CCP110: variants seen among roughly 807,000 people sequenced by gnomAD.
CCP110 encodes centriolar coiled-coil protein of 110 kDa.
Under a neutral mutation model 105.5 loss-of-function variants are expected in CCP110, and 43 were observed. That is an observed-to-expected ratio of 0.41 (90% CI 0.32 to 0.53). The LOEUF (loss-of-function observed/expected upper bound fraction) is 0.53. CCP110 is among the 20% of genes least tolerant of loss of function. CCP110 has a pLI of 0.32. For synonymous variants in CCP110, 353 were observed against 392.1 expected (o/e 0.90, Z 1.18); for missense variants, 1,016 against 1,189.1 (o/e 0.85, Z 2.14).
intron 11 of CCP110, chr16:19,546,193 G>C: frequency 1.9e-6 from 1 of 515,250 alleles, no homozygotes; most frequent in Non-Finnish European, 3.4e-6. Context: ...TGTCCTAAAG[G>C]TTTCTTGGGA....
chr16:19,538,855 T>TA (rs1970176784), intron 4 of CCP110, among the ~76,000 whole-genome samples: 1 of 152,070 alleles, frequency 6.6e-6, no homozygotes, highest in Non-Finnish European at 1.5e-5. Context: ...CTTACGCCTG[T>TA]AATCCCAGCA....
intron 2 of CCP110, 151 bp downstream of exon 2, chr16:19,528,173 A>G: frequency 3.1e-6 from 2 of 650,688 alleles, no homozygotes. Flanking sequence ...TTTACTTACT[A>G]TTATAGATTG....
chr16:19,537,532 C>G lies in CCP110; in HGVS notation c.1863C>G (p.Tyr621Ter), dbSNP rs1970119021. The G allele has an allele frequency of 6.3e-7, 1 of 1,595,498 alleles. No homozygotes were observed. The highest frequency in any genetic ancestry group is 1.8e-5 in the Admixed American group (1 of 54,168). ...GGCAACATTTGCCAGAAAAAAGATA[C>G]CCTAAGGGATCTGGCTTCGTTAACA... is the stretch of plus-strand genomic sequence containing the variant. The change falls in exon 4 of 15, where the codon TAC becomes TAG. Residue 621 changes from tyrosine (Y) to a stop codon, truncating the protein, a stop_gained. Coordinates refer to ENST00000381396, the Ensembl canonical transcript of CCP110. LOFTEE classifies it high-confidence loss of function.
chr16:19,536,615 G>A, exon 4 of CCP110: 1 of 1,614,136 alleles, frequency 6.2e-7, no homozygotes, highest in Non-Finnish European at 8.5e-7. Context: ...GAGTATGCCA[G>A]TTTTAGCTAG....
Position 19,545,205 on chromosome 16 carries a change from C to CA in CCP110, c.2701dup (p.Met901AsnfsTer3). The CA allele has an allele frequency of 6.5e-7, 1 of 1,540,886 alleles. No individual in the cohort carries two copies. The highest frequency in any genetic ancestry group is 9.0e-7 in the Non-Finnish European group (1 of 1,117,054). On this transcript the variant is annotated frameshift_variant, in exon 10 of 15. Coordinates refer to ENST00000381396, the Ensembl canonical transcript of CCP110. LOFTEE classifies it high-confidence loss of function. Reference sequence around the variant, plus strand: ...AGTTCGCAAAGAGAAAATGCTCAGGCAAATGGTATGTTATATGATTTCTAA... The same window carrying CA: ...AGTTCGCAAAGAGAAAATGCTCAGGCAAAATGGTATGTTATATGATTTCTAA...
chr16:19,539,263 A>G (rs1873849861), intron 4 of CCP110, among the ~76,000 whole-genome samples: 1 of 150,716 alleles, frequency 6.6e-6, no homozygotes, highest in Non-Finnish European at 1.5e-5. Flanking sequence ...ATTCTTTATT[A>G]CTGATATAGA....
At chr16:19,545,142 G>T (rs1970418362) in exon 10 of CCP110, 7 of 1,612,524 alleles carry the variant, frequency 4.3e-6, no homozygotes, top group Non-Finnish European at 5.1e-6. Context: ...TGTAATGGAT[G>T]CAGCTGAAAG....
chr16:19,536,311 A>G (rs1286066502), exon 4 of CCP110: 1 of 1,613,310 alleles, frequency 6.2e-7, no homozygotes, highest in Admixed American at 1.7e-5. Context: ...AGGATCTACC[A>G]CTTTTGGCAG....
At chr16:19,552,633 C>T (rs1471001429) in exon 15 of CCP110, 1 of 151,758 alleles carries the variant, frequency 6.6e-6, no homozygotes, top group Admixed American at 6.6e-5. Context: ...CCAAAAAGGG[C>T]TTTGTGCTTT....
chr16:19,542,468 A>G (rs1280365084), intron 6 of CCP110, among the ~76,000 whole-genome samples, 153 bp from the exon 7 acceptor site: 1 of 152,226 alleles, frequency 6.6e-6, no homozygotes, highest in Non-Finnish European at 1.5e-5. Flanking sequence ...CCTGGTATGT[A>G]AGCTTTAAAG....
chr16:19,537,371 ATGGTGTCCTG>A lies in CCP110; in HGVS notation c.1706_1715del (p.Val569GlufsTer19). ...TACGAGACAGCAGATGGACACACCT[ATGGTGTCCTG>A]TGGAAATGAACAATTTTTGGATAAC... On this transcript the variant is annotated frameshift_variant, in exon 4 of 15. Coordinates refer to ENST00000381396, the Ensembl canonical transcript of CCP110. LOFTEE classifies it high-confidence loss of function. 6.2e-7 allele frequency: 1 copy of A among 1,606,422 alleles called. No individual in the cohort carries two copies. The highest frequency in any genetic ancestry group is 8.5e-7 in the Non-Finnish European group (1 of 1,173,016).
intron 2 of CCP110, among the ~76,000 whole-genome samples, chr16:19,531,947 C>G (rs1969884669): frequency 7.3e-6 from 1 of 136,794 alleles, no homozygotes; most frequent in South Asian, 2.2e-4. Flanking sequence ...GCCTAGGTGA[C>G]AGAGCAAGAC....
At chr16:19,525,918 G>T (rs1969654580) in intron 1 of CCP110, 1 of 152,600 alleles carries the variant, frequency 6.6e-6, no homozygotes, top group African/African-American at 2.4e-5. Flanking sequence ...TAGAGGCAGA[G>T]TTCATTTAGA....
exon 7 of CCP110, chr16:19,542,723 C>G (rs1215245738): frequency 6.2e-7 from 1 of 1,613,412 alleles, no homozygotes; most frequent in Non-Finnish European, 8.5e-7. Context: ...CTCTCAGTAA[C>G]AAGGCCTTTT....
exon 4 of CCP110, chr16:19,537,547 C>G (rs566236598): frequency 6.3e-7 from 1 of 1,584,628 alleles, no homozygotes; most frequent in South Asian, 1.2e-5. Context: ...AGGGATCTGG[C>G]TTCGTTAACA....
chr16:19,542,052 T>G, exon 6 of CCP110: 1 of 1,570,784 alleles, frequency 6.4e-7, no homozygotes, highest in Non-Finnish European at 8.6e-7. Flanking sequence ...TACTTCAAAT[T>G]CAAATAGTTC....
chr16:19,540,853 G>A (rs1009832851), intron 5 of CCP110, 66 bp downstream of exon 5: 1 of 1,490,284 alleles, frequency 6.7e-7, no homozygotes, highest in Non-Finnish European at 9.2e-7. Flanking sequence ...ATGAATTTTG[G>A]TCATGTATAG....
intron 12 of CCP110, chr16:19,546,815 CAA>C (rs11362495): frequency 0.03 from 2,959 of 100,050 alleles, 91 homozygotes; most frequent in African/African-American, 0.088. Flanking sequence ...AACTCTATCT[CAA>C]AAAAAAAAAA....
chr16:19,546,513 T>C (rs1486883711), intron 12 of CCP110, 39 bp downstream of exon 12: 6 of 1,304,778 alleles, frequency 4.6e-6, no homozygotes, highest in Non-Finnish European at 5.5e-6. Flanking sequence ...AGGCTTTTTG[T>C]TTTTTATAGA....
Sources: gnomAD v4.1 joint callset for allele counts (sites outside exome capture counted in the v4.1 genomes callset) on GRCh38, gnomAD v4.1.1 for gene constraint, MANE v1.5 for transcripts, NCBI Gene and HGNC (gene_info 2026-07-23, HGNC 2026-07-21) for gene names.